The following CECR2 variants were observed in gnomAD, a reference collection of about 807,000 sequenced individuals.
CECR2 encodes the protein CECR2 histone acetyl-lysine reader, also known as chromatin remodeling regulator CECR2.
Under a neutral mutation model 154.5 loss-of-function variants are expected in CECR2, and 30 were observed. The observed-to-expected ratio is 0.19, with a 90% CI of 0.15 to 0.26. CECR2 has a LOEUF of 0.26. CECR2 is among the 10% of genes least tolerant of loss of function. The probability of loss-of-function intolerance (pLI) is 1.00; values close to 1 mark genes in which losing one functional copy is unlikely to be tolerated. For missense variants in CECR2, 1,743 were observed against 1,829.3 expected (o/e 0.95, Z 0.86); for synonymous variants, 725 against 683.7 (o/e 1.06, Z -0.94).
At chr22:17,507,704 A>G (rs1318180970) in intron 7 of CECR2, among the ~76,000 whole-genome samples, 1 of 152,254 alleles carries the variant, frequency 6.6e-6, no homozygotes, top group Non-Finnish European at 1.5e-5. Context: ...TAACCCTTAA[A>G]TAGGGTAATC....
chr22:17,487,560 G>C (rs1252464766), intron 2 of CECR2, among the ~76,000 whole-genome samples: 1 of 152,156 alleles, frequency 6.6e-6, no homozygotes, highest in African/African-American at 2.4e-5. Context: ...AATCAGCCGG[G>C]TTTGGTAGCG....
intron 1 of CECR2, among the ~76,000 whole-genome samples, chr22:17,417,780 G>A (rs775971976): frequency 5.3e-5 from 8 of 151,912 alleles, no homozygotes; most frequent in African/African-American, 7.2e-5. Context: ...CACCATGCCC[G>A]GCTAATTTTT....
At chr22:17,476,991 C>G (rs2055218423) in intron 1 of CECR2, 1 of 614,648 alleles carries the variant, frequency 1.6e-6, no homozygotes, top group Non-Finnish European at 3.0e-6. Flanking sequence ...GACGTTACCT[C>G]ATTCTGTTTA....
At chr22:17,505,403 C>G (rs867017026) in intron 7 of CECR2, among the ~76,000 whole-genome samples, 18 of 152,232 alleles carry the variant, frequency 1.2e-4, no homozygotes, top group Admixed American at 4.6e-4. Context: ...AGCCCTTTGC[C>G]TGGCTCTACC....
At position 17,552,220 on chromosome 22, in the gene CECR2, T is replaced by C. The variant is rs542689258; in HGVS notation, c.4389+78T>C. 8.3e-6 allele frequency: 11 copies of C among 1,322,000 alleles called. No individual in the cohort carries two copies. In the African/African-American group the frequency reaches 1.5e-4, roughly 18 times the overall value. The allele number at this position is 1,322,000 out of a possible 1,614,324, so 81.9% of individuals were successfully genotyped here. A position where few individuals can be genotyped will look rare whatever the true frequency, so the allele number is the denominator to read the frequency against. On this transcript the variant is annotated intron_variant, in intron 18 of 18. Transcript: ENST00000262608. ...TAAGTATATGACAACCTTGCTGTTC[T>C]GAAAAAATGTTTTAAGGTATCCTGT...
intron 1 of CECR2, among the ~76,000 whole-genome samples, chr22:17,447,033 C>CTGGTTTTTTTTTTTTTTTTTT (rs1339121774): frequency 3.5e-5 from 4 of 114,110 alleles, no homozygotes; most frequent in African/African-American, 1.1e-4. Context: ...CGTTTACAAT[C>CTGGTTTTTTTTTTTTTTTTTT]TTTTTTTTTT....
At chr22:17,468,188 G>T (rs2055065670) in intron 1 of CECR2, among the ~76,000 whole-genome samples, 4 of 152,194 alleles carry the variant, frequency 2.6e-5, no homozygotes, top group Admixed American at 2.6e-4. Flanking sequence ...TGTTGTTTAA[G>T]CATCTTACTG....
chr22:17,447,041 T>TTTTTTTTG (rs1181605066), intron 1 of CECR2, among the ~76,000 whole-genome samples: 5 of 141,118 alleles, frequency 3.5e-5, no homozygotes. Context: ...ATCTTTTTTT[T>TTTTTTTTG]TTTTTTTTTT....
chr22:17,524,391 T>TC (rs2146965956), intron 9 of CECR2, 120 bp downstream of exon 9: 1 of 854,716 alleles, frequency 1.2e-6, no homozygotes, highest in East Asian at 3.1e-5. Flanking sequence ...CAATTTCTTT[T>TC]TTTTTTTTTT....
intron 1 of CECR2, among the ~76,000 whole-genome samples, chr22:17,468,273 A>G (rs559331572): frequency 2.6e-5 from 4 of 152,326 alleles, no homozygotes; most frequent in African/African-American, 9.6e-5. Flanking sequence ...ACTAGGGAAT[A>G]AAAGAAAGTT....
Position 17,547,720 on chromosome 22 carries a change from C to T in CECR2, c.2861-428C>T, listed in dbSNP as rs963589878. ...AAACCAGGCATTTGGCCTTCCTGAG[C>T]GCCCGTCATGCCCTGTTCTTTCTGG... On this transcript the variant is annotated intron_variant, in intron 16 of 18. Transcript: ENST00000262608. Among the ~76,000 whole-genome samples the T allele has an allele frequency of 3.9e-5, 6 of 152,138 alleles. No individual in the cohort carries two copies. In the East Asian group the frequency reaches 7.7e-4, roughly 20 times the overall value.
intron 1 of CECR2, among the ~76,000 whole-genome samples, chr22:17,387,660 G>A (rs16982354): frequency 0.044 from 6,714 of 152,174 alleles, 287 homozygotes; most frequent in African/African-American, 0.11. Context: ...ACACAAGATC[G>A]TACTTTTCTA....
At chr22:17,443,337 T>C (rs1318247777) in intron 1 of CECR2, among the ~76,000 whole-genome samples, 4 of 152,302 alleles carry the variant, frequency 2.6e-5, no homozygotes, top group Middle Eastern at 3.4e-3. Flanking sequence ...CTGTAACTTG[T>C]TGGTAATTGT....
At chr22:17,550,718 A>G (rs2056694921) in intron 17 of CECR2, among the ~76,000 whole-genome samples, 1 of 152,136 alleles carries the variant, frequency 6.6e-6, no homozygotes, top group Non-Finnish European at 1.5e-5. Flanking sequence ...CGAGGCGGGC[A>G]GATCACGAGG....
At chr22:17,407,786 G>T (rs1461243770) in intron 1 of CECR2, among the ~76,000 whole-genome samples, 4 of 152,182 alleles carry the variant, frequency 2.6e-5, no homozygotes, top group Non-Finnish European at 5.9e-5. Flanking sequence ...GGGAAGAGGG[G>T]TGTGGGTAGA....
intron 2 of CECR2, among the ~76,000 whole-genome samples, chr22:17,487,478 T>C (rs1049280273): frequency 1.3e-5 from 2 of 152,094 alleles, no homozygotes; most frequent in African/African-American, 4.8e-5. Flanking sequence ...GGCGGGTGGA[T>C]CACTAGGTCA....
intron 1 of CECR2, among the ~76,000 whole-genome samples, chr22:17,432,793 T>G (rs5992702): frequency 0.081 from 12,274 of 152,132 alleles, 1,075 homozygotes; most frequent in African/African-American, 0.22. Context: ...CACCATGCCC[T>G]GCTAATTTTT....
In CECR2 at chr22:17,552,161, T is replaced by C; in HGVS notation, c.4389+19T>C. On this transcript the variant is annotated intron_variant, in intron 18 of 18. Coordinates refer to ENST00000262608, the MANE Select transcript of CECR2 (RefSeq NM_001290047.2). The stretch of plus-strand genomic sequence containing the variant: ...GGATCAGGTAAGGATCACTAAAAAT[T>C]AGAGCTGTTCTTCTTCCTCCAGGTG... The C allele has an allele frequency of 6.2e-7, 1 of 1,602,242 alleles. No homozygotes were observed. Among genetic ancestry groups the C allele is most frequent in the South Asian group, 1.1e-5 (1 of 90,818 alleles).
At chr22:17,494,225 T>A (rs1399479795) in intron 2 of CECR2, among the ~76,000 whole-genome samples, 1 of 152,144 alleles carries the variant, frequency 6.6e-6, no homozygotes, top group Non-Finnish European at 1.5e-5. Context: ...CCTTCCAGAG[T>A]AGCTGGGATT....
Sources: gnomAD v4.1 joint callset for allele counts (sites outside exome capture counted in the v4.1 genomes callset) on GRCh38, gnomAD v4.1.1 for gene constraint, MANE v1.5 for transcripts, NCBI Gene and HGNC (gene_info 2026-07-23, HGNC 2026-07-21) for gene names.